SYTL2: variants seen among roughly 807,000 people sequenced by gnomAD.
The protein encoded by SYTL2 is synaptotagmin-like protein 2.
Under a neutral mutation model 198.7 loss-of-function variants are expected in SYTL2, and 165 were observed. The ratio of observed to expected loss-of-function variants is 0.83; its 90% confidence interval spans 0.73 to 0.94. SYTL2 has a LOEUF of 0.94. Among genes scored for constraint, SYTL2 ranks in the 40% least tolerant of loss-of-function variants. SYTL2 has a pLI of 0.00. For synonymous variants in SYTL2, 966 were observed against 917.7 expected (o/e 1.05, Z -0.95); for missense variants, 2,835 against 2,582.8 (o/e 1.10, Z -2.12).
chr11:85,757,082 T>C (rs895385585), intron 2 of SYTL2, among the ~76,000 whole-genome samples: 9 of 152,170 alleles, frequency 5.9e-5, no homozygotes, highest in Non-Finnish European at 8.8e-5. Flanking sequence ...CCAACAAGAA[T>C]AGTGTATCAA....
Position 85,726,702 on chromosome 11 carries a change from C to G in SYTL2, c.2656G>C (p.Gly886Arg). ...KSKETKPQIAGPSRYYLSAEQ... is the reference protein window; with the variant it reads ...KSKETKPQIARPSRYYLSAEQ... ...GCTGAAAGATAGTATCTGGATGGAC[C>G]TGCTATTTGTGGCTTGGTCTCTTTA... Residue 886 changes from glycine to arginine, a missense_variant, in exon 8 of 20, where the codon GGT becomes CGT. Transcript: ENST00000359152. 3.9e-6 allele frequency: 6 copies of G among 1,536,174 alleles called. No individual in the cohort carries two copies. The highest frequency in any genetic ancestry group is 5.2e-6 in the Non-Finnish European group (6 of 1,146,918).
At chr11:85,814,493 G>A (rs1437277299), upstream of SYTL2, among the ~76,000 whole-genome samples, 2 of 152,238 alleles carry the variant, frequency 1.3e-5, no homozygotes, top group East Asian at 1.9e-4. Context: ...AAAGAGTTTT[G>A]TAGGTAGACT....
intron 1 of SYTL2, among the ~76,000 whole-genome samples, chr11:85,771,905 T>C (rs906789111): frequency 2.0e-5 from 3 of 151,542 alleles, no homozygotes; most frequent in African/African-American, 7.3e-5. Flanking sequence ...TATAGTTATA[T>C]ATATATATAT....
At chr11:85,836,417 A>G in the SYTL2 span, among the ~76,000 whole-genome samples, 2 of 152,130 alleles carry the variant, frequency 1.3e-5, no homozygotes, top group African/African-American at 2.4e-5. Flanking sequence ...GCCATGTTTA[A>G]CTGGAAATCT....
At chr11:85,722,366 G>T (rs2088462206) in intron 8 of SYTL2, among the ~76,000 whole-genome samples, 1 of 151,738 alleles carries the variant, frequency 6.6e-6, no homozygotes, top group Admixed American at 6.6e-5. Context: ...AGTAGAGATG[G>T]GGTTTCACCA....
chr11:85,835,601 G>T, the SYTL2 span, among the ~76,000 whole-genome samples: 4 of 152,074 alleles, frequency 2.6e-5, no homozygotes, highest in Non-Finnish European at 5.9e-5. Flanking sequence ...CAAATACTCA[G>T]ATATATCCAA....
intron 1 of SYTL2, among the ~76,000 whole-genome samples, chr11:85,804,807 A>AT (rs1227353716): frequency 1.3e-5 from 2 of 152,230 alleles, no homozygotes; most frequent in African/African-American, 4.8e-5. Context: ...TCTAGGTGCC[A>AT]TAACAGCAGT....
chr11:85,832,178 C>G, the SYTL2 span, among the ~76,000 whole-genome samples: 1 of 152,178 alleles, frequency 6.6e-6, no homozygotes. Flanking sequence ...AAAGCTACCA[C>G]TTATTGGGCA....
At chr11:85,849,011 A>G in the SYTL2 span, among the ~76,000 whole-genome samples, 1 of 152,246 alleles carries the variant, frequency 6.6e-6, no homozygotes, top group South Asian at 2.1e-4. Flanking sequence ...GCTTAAAGTG[A>G]AAAAATATGA....
At chr11:85,740,174 C>T (rs1028311730) in intron 4 of SYTL2, among the ~76,000 whole-genome samples, 1 of 152,186 alleles carries the variant, frequency 6.6e-6, no homozygotes, top group African/African-American at 2.4e-5. Flanking sequence ...AGACCATCCA[C>T]CATCTGCCCC....
At chr11:85,748,204 T>G in intron 3 of SYTL2, 68 bp downstream of exon 3, 2 of 1,523,050 alleles carry the variant, frequency 1.3e-6, no homozygotes, top group Non-Finnish European at 1.8e-6. Context: ...TCTGACACCA[T>G]TCCCTTCTCC....
chr11:85,752,679 C>T (rs2091583218), intron 2 of SYTL2, among the ~76,000 whole-genome samples: 1 of 151,986 alleles, frequency 6.6e-6, no homozygotes, highest in South Asian at 2.1e-4. Context: ...GGGAAGTGCA[C>T]AGGCCTTGAT....
chr11:85,748,305 C>T lies in SYTL2; in HGVS notation c.220G>A (p.Ala74Thr), dbSNP rs1452623381. The change falls in exon 3 of 20, where the codon GCA becomes ACA. Residue 74 changes from alanine to threonine, a missense_variant. Physicochemically the swap from Ala to Thr is moderately conservative, Grantham distance 58. This residue lies in a region of SYTL2 where 2,645 missense variants were observed against 2,381.7 expected (regional missense o/e 1.11). Transcript: ENST00000359152. ...DKIHGADIIR[A>T]SMRKKRPQIA... ...TGGGGCCTCTTCTTTCTCATAGATG[C>T]TCTGATGATATCTGCGCCATGGATT... 1.2e-6 allele frequency: 2 copies of T among 1,613,908 alleles called. No homozygotes were observed. The highest frequency in any genetic ancestry group is 2.2e-5 in the East Asian group (1 of 44,880).
rs1461820652 is a variant in SYTL2 at position 85,727,382 on chromosome 11, C to T, written c.1976G>A (p.Gly659Glu). Residue 659 changes from glycine to glutamate, a missense_variant, in exon 8 of 20, where the codon GGG becomes GAG. Around this residue, in one of 3 missense-constraint regions of SYTL2, gnomAD observed 2,645 missense variants for 2,381.7 expected, o/e 1.11. Transcript: ENST00000359152. Reference protein sequence around the residue: ...YSQDSKSPGKGNGASPSNSNY... With the variant: ...YSQDSKSPGKENGASPSNSNY... ...ACTATTTGAAGGAGATGCCCCATTC[C>T]CTTTTCCTGGGCTTTTTGAATCTTG... The T allele has an allele frequency of 6.5e-7, 1 of 1,536,176 alleles. No homozygotes were observed. Among genetic ancestry groups the T allele is most frequent in the African/African-American group, 1.4e-5 (1 of 73,034 alleles).
chr11:85,713,930 T>A (rs1291151368), intron 12 of SYTL2, among the ~76,000 whole-genome samples: 2 of 152,164 alleles, frequency 1.3e-5, no homozygotes, highest in Admixed American at 1.3e-4. Flanking sequence ...GTGGGGATAA[T>A]GATGGTGCCT....
intron 14 of SYTL2, chr11:85,707,914 A>T (rs1167051534): frequency 4.7e-6 from 1 of 211,664 alleles, no homozygotes; most frequent in Non-Finnish European, 8.8e-6. Flanking sequence ...GTTCAAGACC[A>T]GCCTGACCAA....
At chr11:85,810,001 G>A (rs933276597) in intron 1 of SYTL2, among the ~76,000 whole-genome samples, 4 of 151,918 alleles carry the variant, frequency 2.6e-5, no homozygotes, top group African/African-American at 9.7e-5. Context: ...TCACCATCCT[G>A]GTGGGGAATG....
intron 1 of SYTL2, among the ~76,000 whole-genome samples, chr11:85,791,827 T>G (rs1333085719): frequency 6.6e-6 from 1 of 152,114 alleles, no homozygotes; most frequent in Admixed American, 6.5e-5. Flanking sequence ...AGGGAATACA[T>G]GCAGCAAAGA....
intron 17 of SYTL2, among the ~76,000 whole-genome samples, chr11:85,699,674 G>T (rs2083954292): frequency 6.6e-6 from 1 of 152,060 alleles, no homozygotes; most frequent in African/African-American, 2.4e-5. Flanking sequence ...TTCACTGCCT[G>T]GTTACTGAAA....
Sources: gnomAD v4.1 joint callset for allele counts (sites outside exome capture counted in the v4.1 genomes callset) on GRCh38, gnomAD v4.1.1 for gene constraint, gnomAD v4.1.1 regional missense constraint, MANE v1.5 for transcripts, NCBI Gene and HGNC (gene_info 2026-07-23, HGNC 2026-07-21) for gene names.